ELL: variants seen among roughly 807,000 people sequenced by gnomAD.
ELL encodes the protein RNA polymerase II elongation factor ELL.
A neutral mutation model predicts 64.0 loss-of-function variants in ELL; 18 were observed. The observed-to-expected ratio is 0.28, with a 90% CI of 0.19 to 0.42. The LOEUF is 0.42. Ranked by LOEUF, ELL falls within the 10% of genes least tolerant of loss-of-function variation. The pLI is 1.00. For missense variants in ELL, 797 were observed against 870.4 expected, an observed-to-expected ratio of 0.92 and a Z score of 1.06; for synonymous variants, 399 against 376.2, an observed-to-expected ratio of 1.06 and a Z score of -0.70.
rs541916427 is a variant in ELL at position 18,450,631 on chromosome 19, G to C, written c.1311C>G (p.Ser437Arg). 6.2e-7 allele frequency: 1 copy of C among 1,607,408 alleles called. No individual in the cohort carries two copies. ...LPLLTDCAQP[S>R]RPHGSPSRSK... ...TGCGCGAGGGGCTGCCGTGTGGCCT[G>C]CTGGGCTGGGCACAGTCCGTCAGCA... The change falls in exon 8 of 12, where the codon AGC (serine) becomes AGG (arginine). Residue 437 changes from serine to arginine, a missense_variant. Physicochemically the swap from Ser to Arg is moderately radical, Grantham distance 110. Transcript: ENST00000262809.
At chr19:18,488,027 G>T (rs1975455182) in intron 1 of ELL, among the ~76,000 whole-genome samples, 1 of 152,178 alleles carries the variant, frequency 6.6e-6, no homozygotes, top group Admixed American at 6.5e-5. Flanking sequence ...GTCCACCGTG[G>T]TCTCTGCCCA....
In ELL at chr19:18,442,838, G is replaced by A; in HGVS notation, c.*1914C>T. 4.6e-6 allele frequency: 1 copy of A among 218,266 alleles called. No individual in the cohort carries two copies. The highest frequency in any genetic ancestry group is 1.9e-4 in the South Asian group (1 of 5,356). The allele number at this position is 218,266 out of a possible 1,614,324, so 13.5% of individuals were successfully genotyped here. A position where few individuals can be genotyped will look rare whatever the true frequency, so the allele number is the denominator to read the frequency against. On this transcript the variant is annotated 3_prime_UTR_variant, in exon 12 of 12. Coordinates refer to ENST00000262809, the MANE Select transcript of ELL (RefSeq NM_006532.4). ...AGTTCTTGTAAACACCAACCCCATG[G>A]CTCAAAATAGTTTTTCTCCACAGTA...
intron 2 of ELL, among the ~76,000 whole-genome samples, chr19:18,472,017 C>T (rs527328318): frequency 1.3e-5 from 2 of 151,802 alleles, no homozygotes. Flanking sequence ...GGCTGTAGTA[C>T]AATGGTGCGA....
intron 1 of ELL, among the ~76,000 whole-genome samples, chr19:18,486,659 C>A (rs1384737803): frequency 1.3e-5 from 2 of 152,192 alleles, no homozygotes; most frequent in Non-Finnish European, 2.9e-5. Flanking sequence ...GCACCGGACT[C>A]GGCTCTTACC....
In ELL at chr19:18,465,875, G is replaced by C; in HGVS notation, c.227C>G (p.Thr76Arg). Residue 76 changes from threonine (T) to arginine (R), a missense_variant, in exon 3 of 12, where the codon ACG becomes AGG. Coordinates refer to ENST00000262809, the MANE Select transcript of ELL (RefSeq NM_006532.4). ...GATGTTGGAGAGGTAGAAGGAGAAC[G>C]TCCGCGCCTCTGCGGGGCAGTCAGG... Reference protein sequence around the residue: ...PQPDCPAEARTFSFYLSNIGR... With the variant: ...PQPDCPAEARRFSFYLSNIGR... The C allele has an allele frequency of 7.5e-7, 1 of 1,335,246 alleles. No individual in the cohort carries two copies. The highest frequency in any genetic ancestry group is 9.7e-7 in the Non-Finnish European group (1 of 1,033,918). The allele number at this position is 1,335,246 out of a possible 1,614,324, so 82.7% of individuals were successfully genotyped here.
intron 1 of ELL, among the ~76,000 whole-genome samples, chr19:18,494,839 G>A (rs778027202): frequency 6.6e-6 from 1 of 152,226 alleles, no homozygotes; most frequent in Non-Finnish European, 1.5e-5. Flanking sequence ...GGCCCCACCC[G>A]TACCTGAGCT....
At chr19:18,451,502 GA>G in intron 7 of ELL, 49 bp downstream of exon 7, 1 of 1,385,432 alleles carries the variant, frequency 7.2e-7, no homozygotes, top group Non-Finnish European at 9.5e-7. Context: ...ATGCAGCACA[GA>G]GTGCCCTGCA....
chr19:18,503,324 T>G (rs534747666), intron 1 of ELL, among the ~76,000 whole-genome samples: 4 of 152,152 alleles, frequency 2.6e-5, no homozygotes, highest in Non-Finnish European at 5.9e-5. Flanking sequence ...GTCTTATTTC[T>G]GGAAAAGGCA....
At chr19:18,494,539 T>A (rs1975606166) in intron 1 of ELL, among the ~76,000 whole-genome samples, 1 of 152,094 alleles carries the variant, frequency 6.6e-6, no homozygotes, top group South Asian at 2.1e-4. Flanking sequence ...TACGGATGCC[T>A]GCCACCACAC....
intron 1 of ELL, among the ~76,000 whole-genome samples, chr19:18,480,097 G>T (rs148087389): frequency 6.6e-6 from 1 of 152,342 alleles, no homozygotes; most frequent in African/African-American, 2.4e-5. Flanking sequence ...AAGCACCAGT[G>T]TCAGCACACA....
intron 1 of ELL, among the ~76,000 whole-genome samples, chr19:18,492,990 T>C (rs1975564162): frequency 6.6e-6 from 1 of 152,002 alleles, no homozygotes; most frequent in Non-Finnish European, 1.5e-5. Flanking sequence ...TTCATTTGCT[T>C]CCCACTCTCC....
Position 18,444,765 on chromosome 19 carries a change from T to C in ELL, c.1853A>G (p.Gln618Arg). Residue 618 changes from glutamine (Q) to arginine (R), a missense_variant, in exon 12 of 12, where the codon CAG becomes CGG. Transcript: ENST00000262809. ...LIAEYDQRQL[Q>R]AWP ...CGGGGAGGGCGGCTAGGGCCAAGCC[T>C]GCAGCTGCCGCTGGTCGTACTCGGC... The C allele has an allele frequency of 1.2e-6, 2 of 1,604,986 alleles. No individual in the cohort carries two copies. The highest frequency in any genetic ancestry group is 1.7e-6 in the Non-Finnish European group (2 of 1,178,594).
chr19:18,491,754 A>G (rs1285650434), intron 1 of ELL, among the ~76,000 whole-genome samples: 2 of 152,146 alleles, frequency 1.3e-5, no homozygotes, highest in Admixed American at 6.5e-5. Flanking sequence ...GTCTCTACAA[A>G]AAAAAACAAA....
In ELL at chr19:18,449,832, T is replaced by C. The variant is rs1600423499; in HGVS notation, c.1465+645A>G. 6.6e-6 allele frequency among the ~76,000 whole-genome samples: 1 copy of C among 152,246 alleles called. No individual in the cohort carries two copies. Among genetic ancestry groups the C allele is most frequent in the Middle Eastern group, 3.2e-3 (1 of 316 alleles). Reference sequence around the variant, plus strand: ...ATAAATGAACAGCTGCGCAGGCTCATGGCCACGGTGCTAGGCGGGTGCTAC... The same window carrying C: ...ATAAATGAACAGCTGCGCAGGCTCACGGCCACGGTGCTAGGCGGGTGCTAC... On this transcript the variant is annotated intron_variant, in intron 8 of 11. Transcript: ENST00000262809. This position sits in a 1 kb window ranked among gnomAD's most constrained non-coding sequence, Gnocchi z 4.4.
rs1462890539 is a variant in ELL at position 18,462,366 on chromosome 19, T to G, written c.470-514A>C. ...GTGTGTGTGTGTGTGTGTGTGTGTTTGGGCGGGGGGCGGGGGGGGAAGGAT... is the reference window on the plus strand; with the variant it reads ...GTGTGTGTGTGTGTGTGTGTGTGTTGGGGCGGGGGGCGGGGGGGGAAGGAT... On this transcript the variant is annotated intron_variant, in intron 4 of 11. Coordinates refer to ENST00000262809, the MANE Select transcript of ELL (RefSeq NM_006532.4). Among the ~76,000 whole-genome samples, 2 of 31,222 alleles carry G rather than the reference T, an allele frequency of 6.4e-5. 1 individual carries two copies. Among genetic ancestry groups the G allele is most frequent in the African/African-American group, 8.8e-4 (2 of 2,282 alleles). The allele number at this position is 31,222 out of a possible 152,430, so 20.5% of individuals were successfully genotyped here. A position where few individuals can be genotyped will look rare whatever the true frequency, so the allele number is the denominator to read the frequency against.
At position 18,442,894 on chromosome 19, in the gene ELL, T is replaced by C. The variant is rs1974324263; in HGVS notation, c.*1858A>G. ...TTAAAAGAAAAAAAAATAGTATCAA[T>C]AAGTTAGACCATATTTAATCAGCTA... On this transcript the variant is annotated 3_prime_UTR_variant, in exon 12 of 12. Coordinates refer to ENST00000262809, the MANE Select transcript of ELL (RefSeq NM_006532.4). 1 of 228,470 alleles carries C rather than the reference T, an allele frequency of 4.4e-6. No homozygotes were observed. The highest frequency in any genetic ancestry group is 2.2e-5 in the African/African-American group (1 of 44,974). 14.2% of individuals were successfully genotyped at this position (228,470 alleles called of 1,614,324 possible). A position where few individuals can be genotyped will look rare whatever the true frequency, so the allele number is the denominator to read the frequency against.
At chr19:18,493,676 C>T (rs527995689) in intron 1 of ELL, among the ~76,000 whole-genome samples, 6 of 152,220 alleles carry the variant, frequency 3.9e-5, no homozygotes, top group Non-Finnish European at 8.8e-5. Context: ...TCCACCTGGA[C>T]TCCCAAGGCT....
chr19:18,464,663 C>CAA (rs1045981542), intron 4 of ELL, among the ~76,000 whole-genome samples: 1 of 152,178 alleles, frequency 6.6e-6, no homozygotes, highest in African/African-American at 2.4e-5. Context: ...AGATAAAACT[C>CAA]AAAAAGCCAT....
intron 8 of ELL, chr19:18,448,731 G>C (rs1231454903): frequency 6.6e-6 from 1 of 152,292 alleles, no homozygotes; most frequent in African/African-American, 2.4e-5. Context: ...CTCAGGGTCA[G>C]CTCAACCTGG....
Sources: allele counts gnomAD v4.1 joint callset (sites outside exome capture counted in the v4.1 genomes callset), GRCh38; gene constraint gnomAD v4.1.1; non-coding constraint Gnocchi (gnomAD v3.1); transcripts MANE v1.5; gene names NCBI Gene and HGNC (gene_info 2026-07-23, HGNC 2026-07-21).